SMCO4: variants seen among roughly 807,000 people sequenced by gnomAD.
The protein encoded by SMCO4 is single-pass membrane protein with coiled-coil domains 4, also known as single-pass membrane and coiled-coil domain-containing protein 4.
A neutral mutation model predicts 3.6 loss-of-function variants in SMCO4; 4 were observed. The observed-to-expected ratio is 1.11, with a 90% CI of 0.54 to 2.53. The LOEUF is 2.53. Among genes scored for constraint, SMCO4 ranks in the 30% most tolerant of loss-of-function variants. The probability of loss-of-function intolerance (pLI) is 0.02; values close to 1 mark genes in which losing one functional copy is unlikely to be tolerated. For missense variants in SMCO4, 70 were observed against 80.8 expected (o/e 0.87, Z 0.51); for synonymous variants, 36 against 35.3 (o/e 1.02, Z -0.07).
In SMCO4 at chr11:93,481,497, G is replaced by A. The variant is rs886230120; in HGVS notation, c.-80-2228C>T. 15 of 985,250 alleles carry A rather than the reference G, an allele frequency of 1.5e-5. No homozygotes were observed. The African/African-American group carries it at 1.6e-4, about 10-fold the overall frequency. 61.0% of individuals were successfully genotyped at this position (985,250 alleles called of 1,614,324 possible). A position where few individuals can be genotyped will look rare whatever the true frequency, so the allele number is the denominator to read the frequency against. On this transcript the variant is annotated intron_variant, in intron 2 of 2. Transcript: ENST00000298966. Reference sequence around the variant, plus strand: ...ACTCAGGGCTTGGCACAGAGCGGGCGGCGAATTCGTGCTAGCTGACATACC... The same window carrying A: ...ACTCAGGGCTTGGCACAGAGCGGGCAGCGAATTCGTGCTAGCTGACATACC...
At chr11:93,541,813 C>A (rs1949273464) in intron 1 of SMCO4, among the ~76,000 whole-genome samples, 1 of 152,162 alleles carries the variant, frequency 6.6e-6, no homozygotes, top group Non-Finnish European at 1.5e-5. Flanking sequence ...TTTATAAGAA[C>A]AGGCTAAGGC....
In SMCO4 at chr11:93,478,964, C is replaced by T. The variant is rs539728694; in HGVS notation, c.*46G>A. On this transcript the variant is annotated 3_prime_UTR_variant, in exon 3 of 3. Coordinates refer to ENST00000298966, the MANE Select transcript of SMCO4 (RefSeq NM_020179.3). ...CCATTTTTTGTTTGCGTCCCCCTCCCGCGCCTCCTCTCCCTGCCGATGGGG... is the reference window on the plus strand; with the variant it reads ...CCATTTTTTGTTTGCGTCCCCCTCCTGCGCCTCCTCTCCCTGCCGATGGGG... 238 of 1,566,120 alleles carry T rather than the reference C, an allele frequency of 1.5e-4. 1 individual carries two copies. The Middle Eastern group carries it at 1.5e-3, about 10-fold the overall frequency.
chr11:93,543,176 G>T, intron 1 of SMCO4, 100 bp downstream of exon 1: 1 of 146,972 alleles, frequency 6.8e-6, no homozygotes, highest in South Asian at 2.1e-4. Flanking sequence ...GTACTGTCCC[G>T]GCGCCGCACC....
At chr11:93,524,070 C>T (rs770557241) in intron 1 of SMCO4, among the ~76,000 whole-genome samples, 1 of 152,182 alleles carries the variant, frequency 6.6e-6, no homozygotes, top group Non-Finnish European at 1.5e-5. Context: ...ACCTCTGTAG[C>T]TGAGATCTGT....
intron 1 of SMCO4, among the ~76,000 whole-genome samples, chr11:93,524,898 A>G (rs1949091590): frequency 1.3e-5 from 2 of 152,340 alleles, no homozygotes; most frequent in South Asian, 4.1e-4. Flanking sequence ...CAAAGGGTAT[A>G]AACTCAGAAT....
chr11:93,509,969 T>C (rs1948943136), intron 1 of SMCO4, among the ~76,000 whole-genome samples: 1 of 152,068 alleles, frequency 6.6e-6, no homozygotes, highest in South Asian at 2.1e-4. Flanking sequence ...AAAAACCTAT[T>C]GGAATAAAAC....
chr11:93,490,595 G>A (rs918869726), intron 2 of SMCO4, among the ~76,000 whole-genome samples: 4 of 152,172 alleles, frequency 2.6e-5, no homozygotes, highest in Non-Finnish European at 5.9e-5. Context: ...AGACTAAGCC[G>A]ACCTACCAGT....
Position 93,478,946 on chromosome 11 carries a change from T to C in SMCO4, c.*64A>G. On this transcript the variant is annotated 3_prime_UTR_variant, in exon 3 of 3. Coordinates refer to ENST00000298966, the MANE Select transcript of SMCO4 (RefSeq NM_020179.3). Reference sequence around the variant, plus strand: ...CATCTCTGAATATGAAAGCCATTTTTTGTTTGCGTCCCCCTCCCGCGCCTC... The same window carrying C: ...CATCTCTGAATATGAAAGCCATTTTCTGTTTGCGTCCCCCTCCCGCGCCTC... 9 of 1,532,464 alleles carry C rather than the reference T, an allele frequency of 5.9e-6. No individual in the cohort carries two copies. Among genetic ancestry groups the C allele is most frequent in the Non-Finnish European group, 7.9e-6 (9 of 1,141,478 alleles). 94.9% of individuals were successfully genotyped at this position (1,532,464 alleles called of 1,614,324 possible). A position where few individuals can be genotyped will look rare whatever the true frequency, so the allele number is the denominator to read the frequency against.
At chr11:93,547,303 A>T (rs1003366496), upstream of SMCO4, among the ~76,000 whole-genome samples, 1 of 152,188 alleles carries the variant, frequency 6.6e-6, no homozygotes, top group Non-Finnish European at 1.5e-5. Context: ...GAAGAACAGG[A>T]CACCTTGAAT....
At chr11:93,539,640 T>C (rs1949255749) in intron 1 of SMCO4, among the ~76,000 whole-genome samples, 1 of 152,166 alleles carries the variant, frequency 6.6e-6, no homozygotes, top group African/African-American at 2.4e-5. Context: ...ACAAACACCC[T>C]CTTGGAATTT....
At chr11:93,529,448 C>T (rs568220690) in intron 1 of SMCO4, among the ~76,000 whole-genome samples, 1 of 152,208 alleles carries the variant, frequency 6.6e-6, no homozygotes, top group East Asian at 1.9e-4. Context: ...AAGCGATGCT[C>T]CCCAGAGGGG....
At chr11:93,553,863 AC>A in the SMCO4 span, among the ~76,000 whole-genome samples, 1 of 152,168 alleles carries the variant, frequency 6.6e-6, no homozygotes, top group Non-Finnish European at 1.5e-5. Context: ...TCCTAGCCTT[AC>A]CTTTATTTGC....
intron 1 of SMCO4, among the ~76,000 whole-genome samples, chr11:93,518,690 T>C (rs1024706636): frequency 4.6e-5 from 7 of 152,204 alleles, no homozygotes; most frequent in Non-Finnish European, 1.0e-4. Flanking sequence ...CACTTCTATG[T>C]TTTTGAAAGG....
chr11:93,516,682 C>T (rs576338229), intron 1 of SMCO4, among the ~76,000 whole-genome samples: 58 of 151,728 alleles, frequency 3.8e-4, no homozygotes, highest in African/African-American at 7.5e-4. Context: ...CCCAGCTACC[C>T]GGGAGGCTGA....
upstream of SMCO4, among the ~76,000 whole-genome samples, chr11:93,544,096 A>G (rs1235555912): frequency 6.6e-6 from 1 of 152,220 alleles, no homozygotes; most frequent in Non-Finnish European, 1.5e-5. Context: ...AAGCTGGGCA[A>G]TCGCGGGAAA....
At chr11:93,499,572 C>A in intron 1 of SMCO4, among the ~76,000 whole-genome samples, 1 of 152,204 alleles carries the variant, frequency 6.6e-6, no homozygotes, top group Non-Finnish European at 1.5e-5. Context: ...GACCAAGCAG[C>A]CCCTGCATGG....
At chr11:93,550,544 ACACCCTGGTAGTCC>A in the SMCO4 span, among the ~76,000 whole-genome samples, 10 of 152,102 alleles carry the variant, frequency 6.6e-5, no homozygotes, top group African/African-American at 2.4e-4. Context: ...GCGTGGTGGC[ACACCCTGGTAGTCC>A]CAGCTACTTG....
chr11:93,542,010 C>A (rs1238441458), intron 1 of SMCO4, among the ~76,000 whole-genome samples: 1 of 151,724 alleles, frequency 6.6e-6, no homozygotes, highest in Non-Finnish European at 1.5e-5. Flanking sequence ...ACATCTAGGA[C>A]GAGAATAAGG....
intron 2 of SMCO4, among the ~76,000 whole-genome samples, chr11:93,483,513 A>G (rs906061478): frequency 7.2e-5 from 11 of 152,162 alleles, no homozygotes; most frequent in Admixed American, 3.9e-4. Flanking sequence ...CAGGTGGGAG[A>G]GAGGCCTGGG....
Sources: allele counts gnomAD v4.1 joint callset (sites outside exome capture counted in the v4.1 genomes callset), GRCh38; gene constraint gnomAD v4.1.1; transcripts MANE v1.5; gene names NCBI Gene and HGNC (gene_info 2026-07-23, HGNC 2026-07-21).